PRKG2: variants seen among roughly 807,000 people sequenced by gnomAD.
The protein encoded by PRKG2 is cGMP-dependent protein kinase 2.
Under a neutral mutation model 97.2 loss-of-function variants are expected in PRKG2, and 33 were observed. That is an observed-to-expected ratio of 0.34 (90% CI 0.26 to 0.45). The LOEUF is 0.45. Among genes scored for constraint, PRKG2 ranks in the 20% least tolerant of loss-of-function variants. PRKG2 has a pLI of 1.00. For missense variants in PRKG2, 638 were observed against 900.0 expected (o/e 0.71, Z 3.73); for synonymous variants, 330 against 321.8 (o/e 1.03, Z -0.27).
chr4:81,203,130 A>G (rs1412522871), intron 2 of PRKG2, among the ~76,000 whole-genome samples: 1 of 151,942 alleles, frequency 6.6e-6, no homozygotes, highest in Non-Finnish European at 1.5e-5. Context: ...ACAGAAGAGA[A>G]CACTGGATGA....
chr4:81,105,860 G>A lies in PRKG2; in HGVS notation c.2016C>T (p.Pro672=). Reference sequence around the variant, plus strand: ...CCTCAGGTCGTCGTGTTATCTTCCTGGGAAAATCCATTTTTTCAATTCCTT... The same window carrying A: ...CCTCAGGTCGTCGTGTTATCTTCCTAGGAAAATCCATTTTTTCAATTCCTT... The part of the protein sequence containing the change: ...ILKGIEKMDF[P]RKITRRPEDL... The change falls in exon 16 of 19, where the codon CCC becomes CCT. Residue 672 remains proline, a synonymous_variant. Coordinates refer to ENST00000264399, the MANE Select transcript of PRKG2 (RefSeq NM_006259.3). The A allele has an allele frequency of 5.0e-6, 8 of 1,613,758 alleles. No individual in the cohort carries two copies. The highest frequency in any genetic ancestry group is 6.8e-6 in the Non-Finnish European group (8 of 1,179,814).
chr4:81,148,862 C>T, intron 9 of PRKG2, 22 bp downstream of exon 9: 1 of 1,610,588 alleles, frequency 6.2e-7, no homozygotes, highest in Non-Finnish European at 8.5e-7. Flanking sequence ...TGGCCTGCCT[C>T]CTCCAACATC....
At chr4:81,200,386 G>A (rs1425619733) in intron 2 of PRKG2, among the ~76,000 whole-genome samples, 1 of 152,094 alleles carries the variant, frequency 6.6e-6, no homozygotes, top group Non-Finnish European at 1.5e-5. Context: ...TCAGCTCTAA[G>A]GATCCAGAAC....
At chr4:81,203,655 CTA>C (rs1753453224) in intron 2 of PRKG2, among the ~76,000 whole-genome samples, 1 of 152,092 alleles carries the variant, frequency 6.6e-6, no homozygotes, top group African/African-American at 2.4e-5. Context: ...AATGATGTTT[CTA>C]ATGAGTCTTC....
intron 2 of PRKG2, among the ~76,000 whole-genome samples, chr4:81,196,695 C>T (rs1375566374): frequency 6.6e-6 from 1 of 151,612 alleles, no homozygotes; most frequent in Non-Finnish European, 1.5e-5. Context: ...CCTGATGACT[C>T]GCATTTTATT....
intron 2 of PRKG2, among the ~76,000 whole-genome samples, chr4:81,204,236 C>A (rs1396393829): frequency 3.4e-5 from 5 of 147,056 alleles, no homozygotes; most frequent in African/African-American, 1.3e-4. Flanking sequence ...TTTTTTTTGG[C>A]TAACATAGTC....
chr4:81,094,337 C>T (rs1002412509), intron 17 of PRKG2, among the ~76,000 whole-genome samples: 1 of 151,832 alleles, frequency 6.6e-6, no homozygotes, highest in Admixed American at 6.6e-5. Flanking sequence ...ATTAAAGTGA[C>T]TAGTTCTCTA....
intron 13 of PRKG2, among the ~76,000 whole-genome samples, chr4:81,136,830 A>G (rs1277589177): frequency 1.3e-5 from 2 of 152,240 alleles, no homozygotes; most frequent in Admixed American, 1.3e-4. Flanking sequence ...CTCTAAACTC[A>G]TTAGAGGTAA....
chr4:81,109,208 C>CATGTGGACA (rs11274257), intron 15 of PRKG2, among the ~76,000 whole-genome samples: 22,856 of 152,062 alleles, frequency 0.15, 2,331 homozygotes, highest in African/African-American at 0.28. Flanking sequence ...TTGCTCAATG[C>CATGTGGACA]AAGGTGTAAA....
At chr4:81,154,713 TCTC>T (rs1406091500) in intron 6 of PRKG2, among the ~76,000 whole-genome samples, 2 of 152,058 alleles carry the variant, frequency 1.3e-5, no homozygotes, top group South Asian at 2.1e-4. Context: ...GCAGAGCGCC[TCTC>T]CTCCTCCAAA....
rs1754207678 is a variant in PRKG2 at position 81,215,039 on chromosome 4, C to G, written c.-117G>C. 1 of 152,538 alleles carries G rather than the reference C, an allele frequency of 6.6e-6. No homozygotes were observed. Among genetic ancestry groups the G allele is most frequent in the Non-Finnish European group, 1.5e-5 (1 of 68,318 alleles). 9.4% of individuals were successfully genotyped at this position (152,538 alleles called of 1,614,324 possible). A position where few individuals can be genotyped will look rare whatever the true frequency, so the allele number is the denominator to read the frequency against. ...CGCCGCCCTCCCCAGCCGCCTGCGG[C>G]GCCGGAGCCCAGCGCAGGTCAGCTC... On this transcript the variant is annotated 5_prime_UTR_variant, in exon 1 of 19. Coordinates refer to ENST00000264399, the MANE Select transcript of PRKG2 (RefSeq NM_006259.3).
At chr4:81,174,733 G>A in intron 3 of PRKG2, 60 bp downstream of exon 3, 1 of 1,464,642 alleles carries the variant, frequency 6.8e-7, no homozygotes, top group Non-Finnish European at 9.3e-7. Flanking sequence ...ATAAATGTTT[G>A]CAGAAAATCA....
At chr4:81,111,274 G>T (rs1225591768) in intron 14 of PRKG2, among the ~76,000 whole-genome samples, 1 of 152,048 alleles carries the variant, frequency 6.6e-6, no homozygotes, top group African/African-American at 2.4e-5. Flanking sequence ...CAGTATCTAC[G>T]TTAACTTACT....
chr4:81,154,330 CAAAA>C (rs1034221231), intron 6 of PRKG2: 1 of 152,412 alleles, frequency 6.6e-6, no homozygotes, highest in African/African-American at 2.4e-5. Flanking sequence ...CACAGACAAA[CAAAA>C]AGACAGCAGT....
At position 81,202,282 on chromosome 4, in the gene PRKG2, T is replaced by C. The variant is rs377640007; in HGVS notation, c.461+2305A>G. Among the ~76,000 whole-genome samples the C allele has an allele frequency of 5.3e-5, 8 of 152,314 alleles. No individual in the cohort carries two copies. In the East Asian group the frequency reaches 1.2e-3, roughly 22 times the overall value. ...TGCAAATGGAAAATGAATTGTAATA[T>C]TGAGCACTTTTGAAAAATTGAAAAA... is the stretch of plus-strand genomic sequence containing the variant. On this transcript the variant is annotated intron_variant, in intron 2 of 18. Coordinates refer to ENST00000264399, the MANE Select transcript of PRKG2 (RefSeq NM_006259.3).
At chr4:81,151,077 C>T (rs888535276) in intron 8 of PRKG2, among the ~76,000 whole-genome samples, 1 of 151,980 alleles carries the variant, frequency 6.6e-6, no homozygotes, top group South Asian at 2.1e-4. Context: ...TTGCTCTGTA[C>T]TTATGTAAAC....
intron 14 of PRKG2, among the ~76,000 whole-genome samples, chr4:81,123,779 C>G (rs1366370609): frequency 6.6e-6 from 1 of 152,100 alleles, no homozygotes; most frequent in East Asian, 1.9e-4. Context: ...TACTGGATCT[C>G]TTTTCTGTTT....
chr4:81,106,026 C>T, intron 15 of PRKG2, 91 bp from the exon 16 acceptor site: 1 of 1,412,928 alleles, frequency 7.1e-7, no homozygotes, highest in Non-Finnish European at 9.6e-7. Context: ...CTTTCCTTCC[C>T]TCCCTTCTTT....
chr4:81,129,408 G>C (rs181269814), intron 14 of PRKG2, among the ~76,000 whole-genome samples: 12 of 152,172 alleles, frequency 7.9e-5, no homozygotes, highest in Admixed American at 7.8e-4. Context: ...TCTGTCCATT[G>C]ATCTGTCTAA....
Sources: gnomAD v4.1 joint callset for allele counts (sites outside exome capture counted in the v4.1 genomes callset) on GRCh38, gnomAD v4.1.1 for gene constraint, MANE v1.5 for transcripts, NCBI Gene and HGNC (gene_info 2026-07-23, HGNC 2026-07-21) for gene names.